Variants in MCU observed in about 807,000 individuals in gnomAD.
MCU encodes the protein mitochondrial calcium uniporter, also known as calcium uniporter protein, mitochondrial.
Under a neutral mutation model 45.2 loss-of-function variants are expected in MCU, and 12 were observed. The ratio of observed to expected loss-of-function variants is 0.27; its 90% CI spans 0.17 to 0.43. The LOEUF is 0.43. Among genes scored for constraint, MCU ranks in the 20% least tolerant of loss-of-function variants. MCU has a pLI of 1.00. For missense variants in MCU, 324 were observed against 436.7 expected, an observed-to-expected ratio of 0.74 and a Z score of 2.30; for synonymous variants, 160 against 165.1, an observed-to-expected ratio of 0.97 and a Z score of 0.24.
At chr10:72,717,835 A>G (rs954484443) in intron 1 of MCU, among the ~76,000 whole-genome samples, 8 of 152,188 alleles carry the variant, frequency 5.3e-5, no homozygotes, top group Non-Finnish European at 1.0e-4. Context: ...GTGTATTACA[A>G]TCTGTAGATT....
At chr10:72,765,942 C>T (rs1454466302) in intron 1 of MCU, among the ~76,000 whole-genome samples, 3 of 152,090 alleles carry the variant, frequency 2.0e-5, no homozygotes, top group East Asian at 1.9e-4. Flanking sequence ...TCATAACTCA[C>T]TGCAGCCTTG....
At chr10:72,848,756 G>A (rs574255385) in intron 2 of MCU, among the ~76,000 whole-genome samples, 7 of 152,222 alleles carry the variant, frequency 4.6e-5, no homozygotes, top group South Asian at 2.1e-4. Context: ...CTGCCTGTGC[G>A]TGTGTGTATG....
chr10:72,820,866 G>C (rs1484104713), intron 1 of MCU, among the ~76,000 whole-genome samples: 2 of 151,516 alleles, frequency 1.3e-5, no homozygotes, highest in African/African-American at 4.8e-5. Flanking sequence ...CTTTTGGTCA[G>C]TAGTTATTCC....
chr10:72,843,886 A>G (rs1020464295), intron 2 of MCU, among the ~76,000 whole-genome samples: 2 of 152,172 alleles, frequency 1.3e-5, no homozygotes, highest in Non-Finnish European at 2.9e-5. Context: ...GAAAATTTTA[A>G]TTATTTTACA....
At chr10:72,849,741 A>G (rs1845178760) in intron 2 of MCU, among the ~76,000 whole-genome samples, 2 of 152,154 alleles carry the variant, frequency 1.3e-5, no homozygotes, top group Admixed American at 1.3e-4. Flanking sequence ...TTACAAAGGG[A>G]GGGAGTCGTT....
intron 1 of MCU, among the ~76,000 whole-genome samples, chr10:72,710,225 C>G (rs1453807894): frequency 6.6e-6 from 1 of 152,166 alleles, no homozygotes; most frequent in Non-Finnish European, 1.5e-5. Context: ...ATCTGCCCCC[C>G]TCAGCCTCCC....
At chr10:72,798,250 GA>G (rs1290396841) in intron 1 of MCU, among the ~76,000 whole-genome samples, 2 of 152,214 alleles carry the variant, frequency 1.3e-5, no homozygotes, top group South Asian at 4.1e-4. Context: ...CATAAATGGG[GA>G]AAAAATACCC....
intron 1 of MCU, among the ~76,000 whole-genome samples, chr10:72,811,733 T>C (rs1442498778): frequency 6.6e-6 from 1 of 152,240 alleles, no homozygotes; most frequent in African/African-American, 2.4e-5. Flanking sequence ...ATGATAATGT[T>C]TTGAATTTTT....
intron 2 of MCU, among the ~76,000 whole-genome samples, chr10:72,842,103 A>G (rs1200254742): frequency 6.6e-6 from 1 of 152,114 alleles, no homozygotes; most frequent in Non-Finnish European, 1.5e-5. Flanking sequence ...ACATGGTGAA[A>G]CCGTCTCTAC....
intron 6 of MCU, among the ~76,000 whole-genome samples, chr10:72,874,100 CAT>C (rs1183552789): frequency 6.6e-6 from 1 of 152,094 alleles, no homozygotes; most frequent in African/African-American, 2.4e-5. Flanking sequence ...TCTGGTTCTG[CAT>C]AGTTTTTAGA....
chr10:72,858,285 CA>C, intron 2 of MCU, among the ~76,000 whole-genome samples: 1 of 152,246 alleles, frequency 6.6e-6, no homozygotes, highest in South Asian at 2.1e-4. Context: ...GTCCCGTGTA[CA>C]AAAAATGGCT....
intron 1 of MCU, among the ~76,000 whole-genome samples, chr10:72,808,125 A>G (rs1029602259): frequency 6.6e-6 from 1 of 152,162 alleles, no homozygotes; most frequent in African/African-American, 2.4e-5. Context: ...TATCACCACT[A>G]ATGGATATTA....
intron 1 of MCU, among the ~76,000 whole-genome samples, chr10:72,752,592 C>T (rs923605509): frequency 6.6e-6 from 1 of 151,298 alleles, no homozygotes; most frequent in African/African-American, 2.5e-5. Flanking sequence ...AAACTGAGGG[C>T]ACATTTGGAA....
chr10:72,818,757 C>T (rs972930617), intron 1 of MCU, among the ~76,000 whole-genome samples: 48 of 150,704 alleles, frequency 3.2e-4, no homozygotes, highest in African/African-American at 9.1e-4. Context: ...AGGAGAATTG[C>T]GTGAACCTGG....
In MCU at chr10:72,704,750, T is replaced by C. The variant is rs565499460; in HGVS notation, c.150+12449T>C. On this transcript the variant is annotated intron_variant, in intron 1 of 7. Transcript: ENST00000373053. ...TTTTTTTTGAGACGGAGTCTCGCTC[T>C]GTAGCCCAGGCTGGAGTGCAGTGGC... is the stretch of plus-strand genomic sequence containing the variant. Among the ~76,000 whole-genome samples the C allele has an allele frequency of 1.1e-3, 151 of 143,808 alleles. 1 individual carries two copies. In the Middle Eastern group the frequency reaches 0.011, roughly 10 times the overall value. 94.3% of individuals were successfully genotyped at this position (143,808 alleles called of 152,430 possible). A position where few individuals can be genotyped will look rare whatever the true frequency, so the allele number is the denominator to read the frequency against.
intron 1 of MCU, among the ~76,000 whole-genome samples, chr10:72,706,968 T>C (rs1842829606): frequency 6.6e-6 from 1 of 151,504 alleles, no homozygotes. Context: ...TAGCTGGGAC[T>C]ACAGGCACAT....
At chr10:72,786,315 G>T (rs146463976) in intron 1 of MCU, among the ~76,000 whole-genome samples, 1 of 152,128 alleles carries the variant, frequency 6.6e-6, no homozygotes, top group Non-Finnish European at 1.5e-5. Context: ...AAAGAGATGG[G>T]TTGAGAATCA....
intron 6 of MCU, among the ~76,000 whole-genome samples, chr10:72,879,769 G>C (rs1845672724): frequency 6.6e-6 from 1 of 152,176 alleles, no homozygotes; most frequent in Non-Finnish European, 1.5e-5. Context: ...CAACAGGCCG[G>C]GCTAAGTAGC....
Position 72,805,107 on chromosome 10 carries a change from CTTTCTTTCTTTCTTTCTT to C in MCU, c.151-29250_151-29233del, listed in dbSNP as rs1564562259. On this transcript the variant is annotated intron_variant, in intron 1 of 7. Coordinates refer to ENST00000373053, the MANE Select transcript of MCU (RefSeq NM_138357.3). ...TTTCTTTCTTTCTTTCTTTCTCTTT[CTTTCTTTCTTTCTTTCTT>C]TCTTTCTTTCTTTCTTTCTTTCTTT... is the stretch of plus-strand genomic sequence containing the variant. 2.7e-5 allele frequency among the ~76,000 whole-genome samples: 3 copies of C among 109,840 alleles called. No homozygotes were observed. In the East Asian group the frequency reaches 9.3e-4, roughly 34 times the overall value. 72.1% of individuals were successfully genotyped at this position (109,840 alleles called of 152,430 possible).
Sources: gnomAD v4.1 joint callset for allele counts (sites outside exome capture counted in the v4.1 genomes callset) on GRCh38, gnomAD v4.1.1 for gene constraint, MANE v1.5 for transcripts, NCBI Gene and HGNC (gene_info 2026-07-23, HGNC 2026-07-21) for gene names.